The following BMP2K variants were observed in gnomAD, a reference collection of about 807,000 sequenced individuals.
BMP2K encodes BMP2 inducible kinase.
A neutral mutation model predicts 116.0 loss-of-function variants in BMP2K; 74 were observed. That is an observed-to-expected ratio of 0.64 (90% CI 0.53 to 0.77). The LOEUF (loss-of-function observed/expected upper bound fraction) is 0.77, where lower values mean the gene tolerates loss of function less well. Ranked by LOEUF, BMP2K falls within the 30% of genes least tolerant of loss-of-function variation. The pLI is 0.00. For missense variants in BMP2K, 1,365 were observed against 1,403.6 expected, an observed-to-expected ratio of 0.97 and a Z score of 0.44; for synonymous variants, 486 against 502.5, an observed-to-expected ratio of 0.97 and a Z score of 0.44.
chr4:78,844,885 TCAC>T (rs1730925064), intron 4 of BMP2K, 40 bp from the exon 5 acceptor site: 1 of 1,518,516 alleles, frequency 6.6e-7, no homozygotes, highest in South Asian at 1.2e-5. Context: ...AAGTTAATTT[TCAC>T]TTTGAAAATA....
chr4:78,900,197 T>C (rs1021929978), intron 15 of BMP2K, among the ~76,000 whole-genome samples: 6 of 152,226 alleles, frequency 3.9e-5, no homozygotes, highest in Non-Finnish European at 8.8e-5. Flanking sequence ...GTAGTAAATA[T>C]CTTATTGACA....
intron 1 of BMP2K, among the ~76,000 whole-genome samples, chr4:78,787,735 G>A (rs546215560): frequency 1.3e-5 from 2 of 152,190 alleles, no homozygotes; most frequent in Admixed American, 6.5e-5. Context: ...GATATTGAAG[G>A]TACTTATTTT....
At chr4:78,808,296 C>T (rs1160081532) in intron 1 of BMP2K, among the ~76,000 whole-genome samples, 1 of 144,112 alleles carries the variant, frequency 6.9e-6, no homozygotes, top group East Asian at 2.0e-4. Flanking sequence ...GACTGAGTCT[C>T]GCTGTGTTGC....
At chr4:78,908,809 C>T (rs1305078694) in intron 15 of BMP2K, among the ~76,000 whole-genome samples, 1 of 152,096 alleles carries the variant, frequency 6.6e-6, no homozygotes, top group Non-Finnish European at 1.5e-5. Flanking sequence ...TTATGGGGTA[C>T]ATGAGATATG....
Position 78,776,555 on chromosome 4 carries a change from C to T in BMP2K, c.12C>T (p.Phe4=). The change falls in exon 1 of 16, where the codon TTC becomes TTT. Residue 4 remains phenylalanine, a synonymous_variant. Coordinates refer to ENST00000502613, the MANE Select transcript of BMP2K (RefSeq NM_198892.2). The part of the protein sequence containing the change: MKK[F]SRMPKSEGGS... ...TCGCCGGCGGGACCATGAAGAAGTT[C>T]TCTCGGATGCCCAAGTCGGAGGGCG... 1 of 1,151,530 alleles carries T rather than the reference C, an allele frequency of 8.7e-7. No homozygotes were observed. Among genetic ancestry groups the T allele is most frequent in the Non-Finnish European group, 1.1e-6 (1 of 932,140 alleles). The allele number at this position is 1,151,530 out of a possible 1,614,324, so 71.3% of individuals were successfully genotyped here. A position where few individuals can be genotyped will look rare whatever the true frequency, so the allele number is the denominator to read the frequency against.
At chr4:78,805,617 T>C (rs1357558639) in intron 1 of BMP2K, among the ~76,000 whole-genome samples, 1 of 152,198 alleles carries the variant, frequency 6.6e-6, no homozygotes, top group Non-Finnish European at 1.5e-5. Context: ...TCTGATACCT[T>C]TGTCAATAGA....
At chr4:78,833,835 A>G (rs993710922) in intron 3 of BMP2K, 148 bp downstream of exon 3, 1 of 597,866 alleles carries the variant, frequency 1.7e-6, no homozygotes, top group Non-Finnish European at 2.9e-6. Context: ...GAATATTGTT[A>G]AAACATTATT....
chr4:78,778,122 C>A (rs756348350), intron 1 of BMP2K, among the ~76,000 whole-genome samples: 3 of 152,128 alleles, frequency 2.0e-5, no homozygotes, highest in Non-Finnish European at 4.4e-5. Flanking sequence ...CATATTCTGT[C>A]TTTGAATTGT....
At chr4:78,832,569 T>C (rs1373993968) in intron 2 of BMP2K, among the ~76,000 whole-genome samples, 1 of 152,120 alleles carries the variant, frequency 6.6e-6, no homozygotes, top group Non-Finnish European at 1.5e-5. Flanking sequence ...AAGATTTACC[T>C]CAAGATGATG....
At chr4:78,828,875 A>C (rs895068072) in intron 2 of BMP2K, among the ~76,000 whole-genome samples, 4 of 152,186 alleles carry the variant, frequency 2.6e-5, no homozygotes, top group African/African-American at 7.2e-5. Context: ...CTGCTGACTG[A>C]TCAGGGTAGT....
In BMP2K at chr4:78,852,797, G is replaced by T. The variant is rs559245690; in HGVS notation, c.883+1741G>T. On this transcript the variant is annotated intron_variant, in intron 7 of 15. Transcript: ENST00000502613. ...ATTTTTAAATTTTTGTAGAGATTGG[G>T]TTTTGCTGTATGCCCAGGCTGGTCT... Among the ~76,000 whole-genome samples, 4 of 152,102 alleles carry T rather than the reference G, an allele frequency of 2.6e-5. No individual in the cohort carries two copies. In the East Asian group the frequency reaches 7.7e-4, roughly 29 times the overall value.
chr4:78,883,361 T>G (rs1732945551), intron 14 of BMP2K, among the ~76,000 whole-genome samples: 1 of 152,222 alleles, frequency 6.6e-6, no homozygotes, highest in African/African-American at 2.4e-5. Context: ...ATATTTCTTT[T>G]GTATTTTGTG....
intron 1 of BMP2K, among the ~76,000 whole-genome samples, chr4:78,824,632 T>C (rs1701585580): frequency 1.3e-5 from 2 of 152,204 alleles, no homozygotes; most frequent in African/African-American, 2.4e-5. Context: ...AGAACTCTTT[T>C]CCCCTATTAT....
At chr4:78,807,693 A>T (rs1172005343) in intron 1 of BMP2K, among the ~76,000 whole-genome samples, 2 of 150,810 alleles carry the variant, frequency 1.3e-5, no homozygotes, top group East Asian at 3.9e-4. Context: ...CAAGATATCT[A>T]ATTTGTTGGC....
rs535523308 is a variant in BMP2K, at chr4:78,848,806, GA to G, written c.750+1547del. 4.7e-3 allele frequency among the ~76,000 whole-genome samples: 684 copies of G among 145,356 alleles called. 2 individuals carry two copies. Among genetic ancestry groups the G allele is most frequent in the African/African-American group, 0.016 (640 of 39,930 alleles). ...GCTGTGGGCTTACAAATAGATACTT[GA>G]AAAAAAAAAGAAACATAATTAGAGA... is the stretch of plus-strand genomic sequence containing the variant. On this transcript the variant is annotated intron_variant, in intron 6 of 15. Transcript: ENST00000502613.
At chr4:78,795,209 GACT>G (rs2109941991) in intron 1 of BMP2K, among the ~76,000 whole-genome samples, 1 of 152,234 alleles carries the variant, frequency 6.6e-6, no homozygotes, top group Admixed American at 6.5e-5. Flanking sequence ...TCTCTCAATA[GACT>G]ACAAACTCAC....
chr4:78,887,420 C>A, intron 15 of BMP2K, 136 bp downstream of exon 15: 1 of 677,222 alleles, frequency 1.5e-6, no homozygotes, highest in Non-Finnish European at 2.6e-6. Flanking sequence ...TTTAGCCATC[C>A]TACTCTTCTT....
At chr4:78,788,286 T>C (rs1487971386) in intron 1 of BMP2K, among the ~76,000 whole-genome samples, 1 of 152,182 alleles carries the variant, frequency 6.6e-6, no homozygotes, top group East Asian at 1.9e-4. Flanking sequence ...TGTGCTCAGA[T>C]GTGCATAGGC....
chr4:78,844,241 A>G (rs976697006), intron 4 of BMP2K, among the ~76,000 whole-genome samples: 3 of 151,740 alleles, frequency 2.0e-5, no homozygotes, highest in African/African-American at 7.2e-5. Context: ...ACGTAAGGAA[A>G]CTAATGCACA....
Sources: gnomAD v4.1 joint callset for allele counts (sites outside exome capture counted in the v4.1 genomes callset) on GRCh38, gnomAD v4.1.1 for gene constraint, MANE v1.5 for transcripts, NCBI Gene and HGNC (gene_info 2026-07-23, HGNC 2026-07-21) for gene names.